PDZD2: variants seen among roughly 807,000 people sequenced by gnomAD.
The protein encoded by PDZD2 is PDZ domain-containing protein 2.
Under a neutral mutation model 220.7 loss-of-function variants are expected in PDZD2, and 90 were observed. The observed-to-expected ratio is 0.41, with a 90% CI of 0.34 to 0.49. PDZD2 has a LOEUF of 0.49. Ranked by LOEUF, PDZD2 falls within the 20% of genes least tolerant of loss-of-function variation. The pLI, the probability that PDZD2 is intolerant of heterozygous loss-of-function variation, is 0.28. For missense variants in PDZD2, 3,174 were observed against 3,608.5 expected, an observed-to-expected ratio of 0.88 and a Z score of 3.08; for synonymous variants, 1,375 against 1,450.5, an observed-to-expected ratio of 0.95 and a Z score of 1.18.
intron 1 of PDZD2, among the ~76,000 whole-genome samples, chr5:31,758,950 G>GTCCTGC (rs1053573132): frequency 3.3e-5 from 5 of 152,048 alleles, no homozygotes; most frequent in Non-Finnish European, 7.4e-5. Flanking sequence ...TGTGTTCCTG[G>GTCCTGC]TCCTGCTTGG....
chr5:31,675,966 T>G (rs1032212536), intron 1 of PDZD2, among the ~76,000 whole-genome samples: 32 of 152,200 alleles, frequency 2.1e-4, no homozygotes, highest in African/African-American at 7.7e-4. Flanking sequence ...CCTCCCAAAG[T>G]GTTGGGATTA....
At chr5:31,725,182 A>C (rs1318441859) in intron 1 of PDZD2, among the ~76,000 whole-genome samples, 2 of 151,902 alleles carry the variant, frequency 1.3e-5, no homozygotes, top group East Asian at 1.9e-4. Flanking sequence ...AATACAACAA[A>C]AAAAAATTAG....
chr5:31,949,097 CAAAAAAA>C (rs34780210), intron 2 of PDZD2, among the ~76,000 whole-genome samples: 44 of 54,992 alleles, frequency 8.0e-4, no homozygotes, highest in South Asian at 3.0e-3. Context: ...GACTCTGTCT[CAAAAAAA>C]AAAAAAAAAA....
chr5:31,669,852 C>G (rs1360782489), intron 1 of PDZD2, among the ~76,000 whole-genome samples: 1 of 152,006 alleles, frequency 6.6e-6, no homozygotes, highest in East Asian at 1.9e-4. Context: ...TTAAATGGGC[C>G]GTAAAATAAT....
At chr5:32,048,753 A>G in intron 8 of PDZD2, 69 bp downstream of exon 8, 2 of 1,516,896 alleles carry the variant, frequency 1.3e-6, no homozygotes, top group East Asian at 2.3e-5. Context: ...CTGCCCATCC[A>G]TACAGGCCAG....
intron 2 of PDZD2, among the ~76,000 whole-genome samples, chr5:31,972,399 C>T (rs1274947180): frequency 6.6e-6 from 1 of 151,834 alleles, no homozygotes; most frequent in Admixed American, 6.6e-5. Context: ...CAGATGTGAG[C>T]CACAGCACCC....
chr5:32,065,181 C>T (rs1740106788), intron 14 of PDZD2, among the ~76,000 whole-genome samples: 1 of 151,940 alleles, frequency 6.6e-6, no homozygotes, highest in African/African-American at 2.4e-5. Flanking sequence ...TACCTGTAAT[C>T]CTAGCTACTC....
chr5:31,983,829 A>G (rs1257698651), intron 3 of PDZD2, among the ~76,000 whole-genome samples, 173 bp downstream of exon 3: 1 of 152,236 alleles, frequency 6.6e-6, no homozygotes, highest in Non-Finnish European at 1.5e-5. Context: ...ATGACCTCGC[A>G]TTGAGAAGCC....
intron 1 of PDZD2, among the ~76,000 whole-genome samples, chr5:31,698,702 A>G (rs2150132540): frequency 6.6e-6 from 1 of 152,240 alleles, no homozygotes; most frequent in African/African-American, 2.4e-5. Flanking sequence ...TCCTCATCAC[A>G]ATATCATGAT....
At chr5:31,734,723 G>T (rs1439815655) in intron 1 of PDZD2, among the ~76,000 whole-genome samples, 1 of 152,116 alleles carries the variant, frequency 6.6e-6, no homozygotes, top group Non-Finnish European at 1.5e-5. Flanking sequence ...CCTCCCCAGA[G>T]TTTGGGAAAT....
chr5:31,674,985 C>T (rs404673), intron 1 of PDZD2, among the ~76,000 whole-genome samples: 18,316 of 152,156 alleles, frequency 0.12, 1,274 homozygotes, highest in African/African-American at 0.18. Flanking sequence ...CTGTTCTGTG[C>T]TAACCACCCT....
chr5:31,802,919 CA>C (rs34901917), intron 2 of PDZD2, among the ~76,000 whole-genome samples: 6,510 of 56,068 alleles, frequency 0.12, 102 homozygotes, highest in South Asian at 0.23. Flanking sequence ...GACTCTGTCT[CA>C]AAAAAAAAAA....
chr5:31,874,524 G>A (rs953927521), intron 2 of PDZD2, among the ~76,000 whole-genome samples: 1 of 152,104 alleles, frequency 6.6e-6, no homozygotes, highest in Admixed American at 6.6e-5. Context: ...ACTTTGGGAG[G>A]CCAGGGCAGG....
chr5:31,894,763 C>T (rs1458739971), intron 2 of PDZD2, among the ~76,000 whole-genome samples: 5 of 152,130 alleles, frequency 3.3e-5, no homozygotes, highest in African/African-American at 1.2e-4. Flanking sequence ...TATCCTCAGC[C>T]CAATGCTGCA....
At chr5:32,001,701 C>T (rs1320218142) in intron 5 of PDZD2, among the ~76,000 whole-genome samples, 2 of 152,204 alleles carry the variant, frequency 1.3e-5, no homozygotes, top group African/African-American at 4.8e-5. Context: ...TGCAGGACTT[C>T]ACAACTGTGG....
At chr5:32,046,869 C>T (rs1738024259) in intron 7 of PDZD2, among the ~76,000 whole-genome samples, 1 of 151,902 alleles carries the variant, frequency 6.6e-6, no homozygotes. Context: ...ATGGTGAAAC[C>T]CCATCTCTAC....
At chr5:31,813,779 T>C (rs1755269235) in intron 2 of PDZD2, among the ~76,000 whole-genome samples, 1 of 152,216 alleles carries the variant, frequency 6.6e-6, no homozygotes, top group Non-Finnish European at 1.5e-5. Context: ...CACAGAAATA[T>C]TGCTGAAGTT....
In PDZD2 at chr5:31,736,622, C is replaced by T. The variant is rs1291572492; in HGVS notation, c.-360-62267C>T. Among the ~76,000 whole-genome samples the T allele has an allele frequency of 3.9e-5, 6 of 152,066 alleles. No individual in the cohort carries two copies. The South Asian group carries it at 8.3e-4, about 21-fold the overall frequency. On this transcript the variant is annotated intron_variant, in intron 1 of 24. Coordinates refer to ENST00000438447, the MANE Select transcript of PDZD2 (RefSeq NM_178140.4). ...CTGGTTAATTGCCTTATTTTATTGG[C>T]GAGGGGAAGTGGCTTGCCAAATCAG... is the stretch of plus-strand genomic sequence containing the variant.
chr5:32,052,758 C>T, intron 9 of PDZD2, 28 bp downstream of exon 9: 1 of 1,608,098 alleles, frequency 6.2e-7, no homozygotes, highest in Non-Finnish European at 8.5e-7. Flanking sequence ...GACTGTTCTG[C>T]CTTCTGGGTG....
Sources: allele counts gnomAD v4.1 joint callset (sites outside exome capture counted in the v4.1 genomes callset), GRCh38; gene constraint gnomAD v4.1.1; transcripts MANE v1.5; gene names NCBI Gene and HGNC (gene_info 2026-07-23, HGNC 2026-07-21).